The following CACNA2D4 variants were observed in gnomAD, a reference collection of about 807,000 sequenced individuals.
The protein encoded by CACNA2D4 is calcium voltage-gated channel auxiliary subunit alpha2delta 4.
A neutral mutation model predicts 163.8 loss-of-function variants in CACNA2D4; 157 were observed. The observed-to-expected ratio is 0.96, with a 90% CI of 0.84 to 1.09. The LOEUF (loss-of-function observed/expected upper bound fraction) is 1.09. CACNA2D4 is among the 50% of genes least tolerant of loss of function. The pLI, the probability that CACNA2D4 is intolerant of heterozygous loss-of-function variation, is 0.00. For synonymous variants in CACNA2D4, 598 were observed against 586.9 expected (o/e 1.02, Z -0.27); for missense variants, 1,410 against 1,479.9 (o/e 0.95, Z 0.78).
At chr12:1,861,599 C>T (rs1865526447) in intron 18 of CACNA2D4, among the ~76,000 whole-genome samples, 2 of 152,052 alleles carry the variant, frequency 1.3e-5, no homozygotes, top group African/African-American at 2.4e-5. Flanking sequence ...CACGCCACCA[C>T]ACCCAGTTAA....
At chr12:1,803,779 A>G (rs1863418162) in intron 29 of CACNA2D4, among the ~76,000 whole-genome samples, 1 of 152,228 alleles carries the variant, frequency 6.6e-6, no homozygotes, top group African/African-American at 2.4e-5. Flanking sequence ...TGATGCAAAG[A>G]TGAATGAAAT....
intron 26 of CACNA2D4, among the ~76,000 whole-genome samples, chr12:1,821,071 A>G (rs936596446): frequency 1.3e-5 from 2 of 152,070 alleles, no homozygotes; most frequent in Non-Finnish European, 2.9e-5. Context: ...AGTGGGGAGG[A>G]GGGCAGCGCT....
intron 36 of CACNA2D4, 104 bp downstream of exon 36, chr12:1,795,564 C>CAT (rs1863093781): frequency 4.1e-6 from 4 of 971,308 alleles, no homozygotes; most frequent in Non-Finnish European, 3.2e-6. Flanking sequence ...GTGGAGGACA[C>CAT]GGGCGGTGAA....
rs368973969 is a variant in CACNA2D4, at chr12:1,810,310, C to T, written c.2689G>A (p.Gly897Arg). Residue 897 changes from glycine to arginine, a missense_variant, in exon 29 of 38, where the codon GGG (glycine) becomes AGG (arginine). Transcript: ENST00000382722. ...GACCTCTTGGAGATCAGAATGAACC[C>T]GTTGTTGTCGATGACGAAGCAGTCC... ...DLDCFVIDNNGFILISKRSRE... is the reference protein window; with the variant it reads ...DLDCFVIDNNRFILISKRSRE... The T allele has an allele frequency of 1.0e-4, 163 of 1,613,838 alleles. No homozygotes were observed. The highest frequency in any genetic ancestry group is 1.3e-4 in the Non-Finnish European group (158 of 1,179,850).
chr12:1,892,223 A>C (rs992812649), intron 6 of CACNA2D4, among the ~76,000 whole-genome samples: 1 of 152,238 alleles, frequency 6.6e-6, no homozygotes, highest in Non-Finnish European at 1.5e-5. Context: ...TTCTCAGCAG[A>C]AACCTTTCAG....
Position 1,809,396 on chromosome 12 carries a change from G to A in CACNA2D4, c.2721+882C>T, listed in dbSNP as rs370726441. 5.6e-5 allele frequency: 35 copies of A among 625,194 alleles called. No individual in the cohort carries two copies. The Middle Eastern group carries it at 1.4e-3, about 24-fold the overall frequency. 38.7% of individuals were successfully genotyped at this position (625,194 alleles called of 1,614,324 possible). A position where few individuals can be genotyped will look rare whatever the true frequency, so the allele number is the denominator to read the frequency against. ...AATGGAAGTCGCTTGCCCACATCACGTTTCTAATTAGTAGCAAAGCTCACA... is the reference window on the plus strand; with the variant it reads ...AATGGAAGTCGCTTGCCCACATCACATTTCTAATTAGTAGCAAAGCTCACA... On this transcript the variant is annotated intron_variant, in intron 29 of 37. Coordinates refer to ENST00000382722, the MANE Select transcript of CACNA2D4 (RefSeq NM_172364.5).
At position 1,874,426 on chromosome 12, in the gene CACNA2D4, A is replaced by C. The variant is rs921278995; in HGVS notation, c.1878+178T>G. Among the ~76,000 whole-genome samples, 2 of 152,208 alleles carry C rather than the reference A, an allele frequency of 1.3e-5. No individual in the cohort carries two copies. Among genetic ancestry groups the C allele is most frequent in the Admixed American group, 6.5e-5 (1 of 15,288 alleles). The stretch of plus-strand genomic sequence containing the variant: ...TGAGCAATCCTGTCATTCCCTGGCT[A>C]GGTGTTTCTCCAGGGCCAATGCACC... On this transcript the variant is annotated intron_variant, in intron 18 of 37. Coordinates refer to ENST00000382722, the MANE Select transcript of CACNA2D4 (RefSeq NM_172364.5). The surrounding 1 kb of genome is among the most constrained non-coding windows in gnomAD (Gnocchi z 4.4).
intron 2 of CACNA2D4, among the ~76,000 whole-genome samples, chr12:1,913,434 C>T (rs1592753835): frequency 2.0e-5 from 3 of 152,228 alleles, no homozygotes; most frequent in Non-Finnish European, 2.9e-5. Context: ...CCAAGGTCAA[C>T]AGCCAGGTGA....
chr12:1,885,781 G>C (rs1866123643), intron 9 of CACNA2D4, among the ~76,000 whole-genome samples, 184 bp downstream of exon 9: 1 of 152,194 alleles, frequency 6.6e-6, no homozygotes, highest in South Asian at 2.1e-4. Context: ...TGTTTGCTCT[G>C]ATAAGCAGCA....
At chr12:1,800,671 G>C (rs1277228097) in intron 31 of CACNA2D4, 1 of 598,866 alleles carries the variant, frequency 1.7e-6, no homozygotes, top group East Asian at 2.8e-5. Context: ...CATCTCGGGT[G>C]GGGTTGGACA....
chr12:1,800,486 G>C lies in CACNA2D4; in HGVS notation c.2869-48C>G, dbSNP rs1863277198. 3 of 1,591,464 alleles carry C rather than the reference G, an allele frequency of 1.9e-6. No individual in the cohort carries two copies. The South Asian group carries it at 3.3e-5, about 18-fold the overall frequency. On this transcript the variant is annotated intron_variant, in intron 31 of 37. Coordinates refer to ENST00000382722, the MANE Select transcript of CACNA2D4 (RefSeq NM_172364.5). ...CGCTCGCACCTAGGTCCAAGGGTGA[G>C]GGTGCCCCCCCCCCACCACCAGCAC...
intron 34 of CACNA2D4, 167 bp from the exon 35 acceptor site, chr12:1,797,702 G>T: frequency 1.5e-6 from 1 of 663,114 alleles, no homozygotes. Flanking sequence ...GGTGAGGGGA[G>T]GGAAGACACC....
chr12:1,805,604 CA>C (rs1863507582), intron 29 of CACNA2D4, among the ~76,000 whole-genome samples: 1 of 152,162 alleles, frequency 6.6e-6, no homozygotes, highest in South Asian at 2.1e-4. Context: ...TTTGGACACT[CA>C]GGGGTGCCTG....
chr12:1,838,784 A>G (rs921102851), intron 26 of CACNA2D4, among the ~76,000 whole-genome samples: 23 of 152,204 alleles, frequency 1.5e-4, no homozygotes, highest in African/African-American at 5.3e-4. Context: ...AGGAGCTGAG[A>G]AGGCCCCCAT....
At chr12:1,859,474 G>A (rs544343281) in intron 19 of CACNA2D4, among the ~76,000 whole-genome samples, 1 of 152,316 alleles carries the variant, frequency 6.6e-6, no homozygotes, top group Admixed American at 6.5e-5. Flanking sequence ...AGATAATTCA[G>A]AGGTAACGAC....
At chr12:1,848,578 T>C (rs1565709236) in intron 23 of CACNA2D4, among the ~76,000 whole-genome samples, 1 of 152,220 alleles carries the variant, frequency 6.6e-6, no homozygotes, top group Admixed American at 6.5e-5. Flanking sequence ...AATATTTAGT[T>C]ATCCTGAAGT....
chr12:1,812,059 C>A (rs1282056486), intron 26 of CACNA2D4, among the ~76,000 whole-genome samples: 1 of 152,186 alleles, frequency 6.6e-6, no homozygotes, highest in Non-Finnish European at 1.5e-5. Context: ...GCTCAGTCTC[C>A]CCTTTCCCAT....
intron 26 of CACNA2D4, chr12:1,835,125 A>C: frequency 5.5e-6 from 1 of 180,850 alleles, no homozygotes; most frequent in Non-Finnish European, 1.2e-5. Context: ...GGGGACGGGG[A>C]GGGAGGGATC....
intron 34 of CACNA2D4, chr12:1,797,809 A>T: frequency 1.9e-6 from 1 of 538,024 alleles, no homozygotes; most frequent in Non-Finnish European, 3.3e-6. Context: ...CCTGGCCCTC[A>T]CTGAGCTGGG....
Sources: gnomAD v4.1 joint callset for allele counts (sites outside exome capture counted in the v4.1 genomes callset) on GRCh38, gnomAD v4.1.1 for gene constraint, Gnocchi (gnomAD v3.1) non-coding constraint, MANE v1.5 for transcripts, NCBI Gene and HGNC (gene_info 2026-07-23, HGNC 2026-07-21) for gene names.